AGBL1: variants seen among roughly 807,000 people sequenced by gnomAD.
The protein encoded by AGBL1 is cytosolic carboxypeptidase 4.
A neutral mutation model predicts 118.9 loss-of-function variants in AGBL1; 130 were observed. The observed-to-expected ratio is 1.09, with a 90% CI of 0.95 to 1.26. The LOEUF (loss-of-function observed/expected upper bound fraction) is 1.26. Among genes scored for constraint, AGBL1 ranks in the 50% most tolerant of loss-of-function variants. The probability of loss-of-function intolerance (pLI) is 0.00; values close to 1 mark genes in which losing one functional copy is unlikely to be tolerated. For synonymous variants in AGBL1, 555 were observed against 478.9 expected, an observed-to-expected ratio of 1.16 and a Z score of -2.08; for missense variants, 1,584 against 1,298.1, an observed-to-expected ratio of 1.22 and a Z score of -3.38.
chr15:86,151,682 C>G (rs1165818480), intron 3 of AGBL1, among the ~76,000 whole-genome samples: 2 of 152,150 alleles, frequency 1.3e-5, no homozygotes, highest in African/African-American at 4.8e-5. Flanking sequence ...CCAGGACAAT[C>G]AGGCAAGAGA....
intron 21 of AGBL1, among the ~76,000 whole-genome samples, chr15:86,655,371 C>A (rs569999228): frequency 1.1e-4 from 16 of 152,300 alleles, no homozygotes; most frequent in Admixed American, 9.2e-4. Context: ...ACTACCAATA[C>A]ACGCAATGAT....
chr15:86,217,990 G>T (rs1299558912), intron 5 of AGBL1, among the ~76,000 whole-genome samples: 1 of 152,142 alleles, frequency 6.6e-6, no homozygotes, highest in East Asian at 1.9e-4. Context: ...TAGTTTTGGG[G>T]CTATAGCAGT....
At chr15:86,211,749 G>T (rs1277766378) in intron 5 of AGBL1, among the ~76,000 whole-genome samples, 1 of 152,146 alleles carries the variant, frequency 6.6e-6, no homozygotes, top group Admixed American at 6.5e-5. Flanking sequence ...GGGCATCACG[G>T]CTTCCCTTTG....
chr15:86,608,288 C>A (rs1000355158), intron 21 of AGBL1, among the ~76,000 whole-genome samples: 7 of 152,116 alleles, frequency 4.6e-5, no homozygotes, highest in Non-Finnish European at 1.0e-4. Flanking sequence ...GCAAGACTTT[C>A]TTTGCCTTGG....
chr15:86,096,704 A>AAT (rs1432529109), intron 1 of AGBL1, among the ~76,000 whole-genome samples: 1 of 152,200 alleles, frequency 6.6e-6, no homozygotes, highest in Non-Finnish European at 1.5e-5. Context: ...AGCCATGATG[A>AAT]ATAGTAAAGA....
rs2079163849 is a variant in AGBL1 at position 86,271,638 on chromosome 15, T to G, written c.2007T>G (p.Tyr669Ter). ...GTGTAGGGATGCAGCCCACCCTATA[T>G]TCTGTGAAGGAGGCTCTTCTTGGCA... Reference protein sequence around the residue: ...QFNYGMQPTLYSVKEALLGKP... With the variant: ...QFNYGMQPTL Residue 669 changes from tyrosine to a stop codon, truncating the protein, a stop_gained, in exon 15 of 23, where the codon TAT becomes TAG. Coordinates refer to ENST00000614907, the MANE Select transcript of AGBL1 (RefSeq NM_001386094.1). LOFTEE classifies it high-confidence loss of function. 1 of 1,612,418 alleles carries G rather than the reference T, an allele frequency of 6.2e-7. No individual in the cohort carries two copies. Among genetic ancestry groups the G allele is most frequent in the African/African-American group, 1.3e-5 (1 of 74,964 alleles).
chr15:86,101,092 T>G (rs532504959), intron 1 of AGBL1, among the ~76,000 whole-genome samples: 14 of 152,214 alleles, frequency 9.2e-5, no homozygotes, highest in Non-Finnish European at 1.6e-4. Context: ...AAGAAATTTT[T>G]TTATTTCCTC....
intron 19 of AGBL1, among the ~76,000 whole-genome samples, chr15:86,532,023 G>A (rs1307996328): frequency 2.0e-5 from 3 of 151,878 alleles, no homozygotes; most frequent in African/African-American, 7.2e-5. Flanking sequence ...GGGAAAAACT[G>A]GAAGCATTCC....
At chr15:86,204,956 C>G (rs938790244) in intron 5 of AGBL1, among the ~76,000 whole-genome samples, 1 of 152,130 alleles carries the variant, frequency 6.6e-6, no homozygotes, top group Non-Finnish European at 1.5e-5. Flanking sequence ...TCAGAGCTGA[C>G]TTTTGGTGTT....
At chr15:86,312,660 G>A (rs1054222422) in intron 17 of AGBL1, among the ~76,000 whole-genome samples, 5 of 152,166 alleles carry the variant, frequency 3.3e-5, no homozygotes, top group Admixed American at 6.5e-5. Context: ...ATTGAGCAAC[G>A]AGTCCAGGTG....
chr15:86,122,020 G>A (rs1024750632), intron 1 of AGBL1, among the ~76,000 whole-genome samples: 2 of 152,136 alleles, frequency 1.3e-5, no homozygotes, highest in African/African-American at 2.4e-5. Flanking sequence ...CAAGGAAGTC[G>A]GAAAATTACA....
chr15:86,815,053 A>T (rs1025133777), intron 22 of AGBL1, among the ~76,000 whole-genome samples: 1 of 152,088 alleles, frequency 6.6e-6, no homozygotes, highest in Non-Finnish European at 1.5e-5. Context: ...GTTGACCACC[A>T]ATGTAAATCT....
chr15:86,585,386 TTCTTTTTATG>T (rs11280030), intron 21 of AGBL1, among the ~76,000 whole-genome samples: 57,112 of 151,500 alleles, frequency 0.38, 11,090 homozygotes, highest in Admixed American at 0.44. Context: ...TTTTATTGTT[TTCTTTTTATG>T]TATTTATTTA....
At chr15:86,385,341 C>G (rs2081168354) in intron 17 of AGBL1, among the ~76,000 whole-genome samples, 1 of 152,122 alleles carries the variant, frequency 6.6e-6, no homozygotes, top group African/African-American at 2.4e-5. Context: ...CTCTGTTGAA[C>G]AGGGAGAGCT....
At chr15:86,803,335 A>G (rs988127215) in intron 22 of AGBL1, among the ~76,000 whole-genome samples, 7 of 152,066 alleles carry the variant, frequency 4.6e-5, no homozygotes, top group Admixed American at 2.6e-4. Flanking sequence ...CTGCCATGTG[A>G]AGAAAGTCCT....
At chr15:86,849,334 A>T (rs2079367306) in intron 22 of AGBL1, among the ~76,000 whole-genome samples, 1 of 152,172 alleles carries the variant, frequency 6.6e-6, no homozygotes, top group Admixed American at 6.5e-5. Context: ...CCAGGCTGCT[A>T]TGCACGCTGG....
chr15:86,895,127 TCTA>T (rs1364244804), intron 22 of AGBL1, among the ~76,000 whole-genome samples: 1 of 151,876 alleles, frequency 6.6e-6, no homozygotes, highest in Admixed American at 6.6e-5. Context: ...CTTTCTTCCT[TCTA>T]CTTTCTTCTC....
At chr15:86,803,848 A>C (rs548141778) in intron 22 of AGBL1, among the ~76,000 whole-genome samples, 1 of 152,146 alleles carries the variant, frequency 6.6e-6, no homozygotes, top group South Asian at 2.1e-4. Context: ...TGCTTCTGGT[A>C]TCTGTTGGGT....
At chr15:86,592,068 G>A (rs2084344569) in intron 21 of AGBL1, among the ~76,000 whole-genome samples, 1 of 152,146 alleles carries the variant, frequency 6.6e-6, no homozygotes, top group African/African-American at 2.4e-5. Flanking sequence ...ATCATATCAG[G>A]AGGTACATAG....
Sources: allele counts gnomAD v4.1 joint callset (sites outside exome capture counted in the v4.1 genomes callset), GRCh38; gene constraint gnomAD v4.1.1; transcripts MANE v1.5; gene names NCBI Gene and HGNC (gene_info 2026-07-23, HGNC 2026-07-21).